CCBE1: variants seen among roughly 807,000 people sequenced by gnomAD.
CCBE1 encodes the protein collagen and calcium binding EGF domains 1.
CCBE1 carries 37 observed loss-of-function variants against 50.0 expected under a neutral mutation model. The observed-to-expected ratio is 0.74, with a 90% CI of 0.57 to 0.97. The LOEUF is 0.97. Ranked by LOEUF, CCBE1 falls within the 50% of genes least tolerant of loss-of-function variation. The pLI, the probability that CCBE1 is intolerant of heterozygous loss-of-function variation, is 0.00. For synonymous variants in CCBE1, 234 were observed against 203.7 expected (o/e 1.15, Z -1.27); for missense variants, 538 against 523.8 (o/e 1.03, Z -0.26).
chr18:59,569,098 C>G (rs1017576868), intron 2 of CCBE1, among the ~76,000 whole-genome samples: 2 of 152,204 alleles, frequency 1.3e-5, no homozygotes, highest in East Asian at 3.8e-4. Context: ...CGATTCCACT[C>G]TCTCCTTTTA....
intron 2 of CCBE1, among the ~76,000 whole-genome samples, chr18:59,571,132 C>T (rs2052907336): frequency 6.6e-6 from 1 of 152,124 alleles, no homozygotes; most frequent in African/African-American, 2.4e-5. Flanking sequence ...AGAATTAACG[C>T]AGCCCTTTTA....
chr18:59,518,072 G>T (rs1425912530), intron 2 of CCBE1, among the ~76,000 whole-genome samples: 1 of 81,118 alleles, frequency 1.2e-5, no homozygotes, highest in Non-Finnish European at 2.2e-5. Flanking sequence ...TGAGAAAGAA[G>T]GAGATGATAC....
chr18:59,444,718 TG>T (rs909569758), intron 7 of CCBE1, among the ~76,000 whole-genome samples: 8 of 151,894 alleles, frequency 5.3e-5, no homozygotes, highest in African/African-American at 1.9e-4. Context: ...TTCCCAAGCT[TG>T]TATTTTTTCA....
In CCBE1 at chr18:59,433,916, T is replaced by TTTTTA. The variant is rs869101690; in HGVS notation, c.*1991_*1992insTAAAA. On this transcript the variant is annotated 3_prime_UTR_variant, in exon 11 of 11. Transcript: ENST00000439986. ...CTTTTTTTTTTTTTTTTTTTTTTTT[T>TTTTTA]AATGAGACAGAGTCTCCCTCTGTTG... is the stretch of plus-strand genomic sequence containing the variant. 1 of 97,040 alleles carries TTTTTA rather than the reference T, an allele frequency of 1.0e-5. No individual in the cohort carries two copies. The highest frequency in any genetic ancestry group is 2.1e-5 in the Non-Finnish European group (1 of 47,648). 6.0% of individuals were successfully genotyped at this position (97,040 alleles called of 1,614,324 possible).
chr18:59,561,288 C>A (rs1000182505), intron 2 of CCBE1, among the ~76,000 whole-genome samples: 1 of 152,142 alleles, frequency 6.6e-6, no homozygotes, highest in Non-Finnish European at 1.5e-5. Flanking sequence ...GTTTATATGT[C>A]AAGCCTATGT....
chr18:59,657,088 G>T (rs968552415), intron 2 of CCBE1, among the ~76,000 whole-genome samples: 7 of 152,146 alleles, frequency 4.6e-5, no homozygotes, highest in Non-Finnish European at 1.0e-4. Flanking sequence ...CCATTTCCTT[G>T]GTCCCTGCAT....
At chr18:59,472,030 CT>C (rs1912058840) in intron 3 of CCBE1, among the ~76,000 whole-genome samples, 1 of 152,230 alleles carries the variant, frequency 6.6e-6, no homozygotes, top group African/African-American at 2.4e-5. Context: ...CAAAATCCAG[CT>C]TGTATTTTTT....
At chr18:59,446,478 G>T (rs7227130) in intron 7 of CCBE1, among the ~76,000 whole-genome samples, 2 of 151,834 alleles carry the variant, frequency 1.3e-5, no homozygotes, top group African/African-American at 4.8e-5. Flanking sequence ...ACCATGACCC[G>T]GAGTACCTCA....
Position 59,432,748 on chromosome 18 carries a change from A to G in CCBE1, c.*3160T>C, listed in dbSNP as rs1442089590. Reference sequence around the variant, plus strand: ...TGGAATAGTTTCATGAAACCCAGACAATACTACTTTCCATTAATTCTTTTA... The same window carrying G: ...TGGAATAGTTTCATGAAACCCAGACGATACTACTTTCCATTAATTCTTTTA... On this transcript the variant is annotated 3_prime_UTR_variant, in exon 11 of 11. Coordinates refer to ENST00000439986, the MANE Select transcript of CCBE1 (RefSeq NM_133459.4). The G allele has an allele frequency of 6.6e-6, 1 of 152,212 alleles. No individual in the cohort carries two copies. The highest frequency in any genetic ancestry group is 1.5e-5 in the Non-Finnish European group (1 of 68,034). 9.4% of individuals were successfully genotyped at this position (152,212 alleles called of 1,614,324 possible).
At chr18:59,497,172 G>A (rs926641234) in intron 2 of CCBE1, among the ~76,000 whole-genome samples, 1 of 152,086 alleles carries the variant, frequency 6.6e-6, no homozygotes, top group African/African-American at 2.4e-5. Flanking sequence ...GCTCAATACA[G>A]GGGTTTAAGT....
intron 2 of CCBE1, among the ~76,000 whole-genome samples, chr18:59,650,842 G>A (rs536038136): frequency 6.6e-6 from 1 of 151,506 alleles, no homozygotes; most frequent in East Asian, 2.0e-4. Context: ...CTTAGTCCTC[G>A]GTGGCCAAGC....
chr18:59,680,434 T>G (rs1178322623), intron 2 of CCBE1, among the ~76,000 whole-genome samples: 1 of 151,136 alleles, frequency 6.6e-6, no homozygotes, highest in Non-Finnish European at 1.5e-5. Context: ...GGCGCGGTGG[T>G]TTGCATGTAA....
At position 59,643,640 on chromosome 18, in the gene CCBE1, G is replaced by T. The variant is rs113973871; in HGVS notation, c.212+52989C>A. On this transcript the variant is annotated intron_variant, in intron 2 of 10. Coordinates refer to ENST00000439986, the MANE Select transcript of CCBE1 (RefSeq NM_133459.4). Reference sequence around the variant, plus strand: ...CAAAACCCTGCCAAAAATACAAAAAGTTAGCCAAGTGTCTGCTAAAAATAC... The same window carrying T: ...CAAAACCCTGCCAAAAATACAAAAATTTAGCCAAGTGTCTGCTAAAAATAC... Among the ~76,000 whole-genome samples, 1,463 of 152,222 alleles carry T rather than the reference G, an allele frequency of 9.6e-3. 15 individuals are homozygous for T. Among genetic ancestry groups the T allele is most frequent in the Non-Finnish European group, 0.016 (1,075 of 67,992 alleles).
chr18:59,488,586 C>A (rs558949584), intron 2 of CCBE1, among the ~76,000 whole-genome samples: 1 of 152,190 alleles, frequency 6.6e-6, no homozygotes, highest in African/African-American at 2.4e-5. Context: ...AATCAAATAC[C>A]TCCTCAAAAA....
intron 2 of CCBE1, among the ~76,000 whole-genome samples, chr18:59,695,291 C>A (rs2054790747): frequency 6.6e-6 from 1 of 152,204 alleles, no homozygotes; most frequent in Admixed American, 6.5e-5. Flanking sequence ...ACCAGGCAAG[C>A]AATCCTGCTG....
intron 2 of CCBE1, among the ~76,000 whole-genome samples, chr18:59,592,691 T>C (rs959432119): frequency 2.2e-4 from 34 of 152,186 alleles, no homozygotes; most frequent in African/African-American, 8.2e-4. Flanking sequence ...GATAAACTAA[T>C]GAGATTGGTG....
intron 2 of CCBE1, among the ~76,000 whole-genome samples, chr18:59,482,961 C>T (rs577233865): frequency 6.6e-6 from 1 of 152,054 alleles, no homozygotes; most frequent in African/African-American, 2.4e-5. Flanking sequence ...ATCATTCTCG[C>T]TCATTTGTGT....
At chr18:59,624,659 G>T (rs1415079718) in intron 2 of CCBE1, among the ~76,000 whole-genome samples, 2 of 152,098 alleles carry the variant, frequency 1.3e-5, no homozygotes, top group Non-Finnish European at 2.9e-5. Context: ...GTACAAGTGC[G>T]GTTGTTTCAA....
At chr18:59,488,165 C>G (rs376816609) in intron 2 of CCBE1, among the ~76,000 whole-genome samples, 138 of 152,212 alleles carry the variant, frequency 9.1e-4, no homozygotes, top group African/African-American at 3.2e-3. Flanking sequence ...AAAGTGGAAG[C>G]GTGGTTGCCA....
Sources: allele counts gnomAD v4.1 joint callset (sites outside exome capture counted in the v4.1 genomes callset), GRCh38; gene constraint gnomAD v4.1.1; transcripts MANE v1.5; gene names NCBI Gene and HGNC (gene_info 2026-07-23, HGNC 2026-07-21).